CYP4F11: variants seen among roughly 807,000 people sequenced by gnomAD.
The protein encoded by CYP4F11 is cytochrome P450 family 4 subfamily F member 11, also known as cytochrome P450 4F11.
CYP4F11 carries 79 observed loss-of-function variants against 62.2 expected under a neutral mutation model. The ratio of observed to expected loss-of-function variants is 1.27; its 90% CI spans 1.06 to 1.53. The LOEUF (loss-of-function observed/expected upper bound fraction) is 1.53. Ranked by LOEUF, CYP4F11 falls within the 40% of genes most tolerant of loss-of-function variation. The pLI, the probability that CYP4F11 is intolerant of heterozygous loss-of-function variation, is 0.00. For synonymous variants in CYP4F11, 290 were observed against 263.7 expected (o/e 1.10, Z -0.97); for missense variants, 777 against 680.5 (o/e 1.14, Z -1.58).
chr19:15,927,147 G>T (rs149836489), intron 4 of CYP4F11, 65 bp downstream of exon 4: 1 of 1,564,762 alleles, frequency 6.4e-7, no homozygotes, highest in Non-Finnish European at 8.7e-7. Context: ...AAATTCCAGA[G>T]CAGATATGCC....
chr19:15,923,238 C>CTCTCTCTCTCTCTCT (rs2089642090), intron 6 of CYP4F11, among the ~76,000 whole-genome samples: 1 of 110,458 alleles, frequency 9.1e-6, no homozygotes, highest in African/African-American at 3.6e-5. Flanking sequence ...AAGCAAACAT[C>CTCTCTCTCTCTCTCT]CTCTCTCTCT....
At chr19:15,920,614 A>T (rs1198363005) in intron 8 of CYP4F11, among the ~76,000 whole-genome samples, 1 of 152,156 alleles carries the variant, frequency 6.6e-6, no homozygotes, top group Non-Finnish European at 1.5e-5. Flanking sequence ...TGTCCAGCTC[A>T]ATGTCTCCTC....
In CYP4F11 at chr19:15,922,141, G is replaced by T; in HGVS notation, c.1011C>A (p.Leu337=). The T allele has an allele frequency of 6.2e-7, 1 of 1,613,384 alleles. No individual in the cohort carries two copies. The highest frequency in any genetic ancestry group is 1.1e-5 in the South Asian group (1 of 91,002). ...FEGHDTTASG[L]SWVLYHLAKH... is the part of the protein sequence containing the mutation. The stretch of plus-strand genomic sequence containing the variant: ...TTGCAAGGTGGTATAGGACCCAGGA[G>T]AGACCACTGGCTGTAGTGTCATGGC... Residue 337 remains leucine, a synonymous_variant, in exon 8 of 12, where the codon CTC becomes CTA. Coordinates refer to ENST00000402119, the MANE Select transcript of CYP4F11 (RefSeq NM_021187.4).
In CYP4F11 at chr19:15,931,540, GC is replaced by G. The variant is rs2089717367; in HGVS notation, c.199-1940del. ...GATGGCACATCAGAGGAATGAGTGA[GC>G]GGGGAGAGGAATGAGTGAGCGAGGA... On this transcript the variant is annotated intron_variant, in intron 1 of 11. Coordinates refer to ENST00000402119, the MANE Select transcript of CYP4F11 (RefSeq NM_021187.4). 6.5e-5 allele frequency among the ~76,000 whole-genome samples: 7 copies of G among 107,600 alleles called. 3 individuals carry two copies. In the South Asian group the frequency reaches 1.4e-3, roughly 22 times the overall value. The allele number at this position is 107,600 out of a possible 152,430, so 70.6% of individuals were successfully genotyped here. A position where few individuals can be genotyped will look rare whatever the true frequency, so the allele number is the denominator to read the frequency against.
chr19:15,923,774 C>T (rs1182812600), intron 6 of CYP4F11, 38 bp downstream of exon 6: 1 of 1,587,474 alleles, frequency 6.3e-7, no homozygotes, highest in South Asian at 1.1e-5. Flanking sequence ...CATAAATCTC[C>T]ACTCTATTAC....
At chr19:15,929,029 T>A (rs2089690481) in intron 2 of CYP4F11, among the ~76,000 whole-genome samples, 3 of 152,122 alleles carry the variant, frequency 2.0e-5, no homozygotes, top group African/African-American at 7.2e-5. Flanking sequence ...TTTAAAATCT[T>A]TTTACTCATT....
At position 15,927,488 on chromosome 19, in the gene CYP4F11, C is replaced by T. The variant is rs2089679502; in HGVS notation, c.344-5G>A. On this transcript the variant is annotated splice_polypyrimidine_tract_variant and splice_region_variant and intron_variant, in intron 2 of 11. Coordinates refer to ENST00000402119, the MANE Select transcript of CYP4F11 (RefSeq NM_021187.4). ...TATCCTTGGGTGCGACAGCAGCTGA[C>T]ATGATTGAGGACCATCAGTGGCCAT... 6.2e-7 allele frequency: 1 copy of T among 1,613,046 alleles called. No homozygotes were observed. Among genetic ancestry groups the T allele is most frequent in the African/African-American group, 1.3e-5 (1 of 74,878 alleles).
Position 15,922,119 on chromosome 19 carries a change from CAAGGTGGTAT to C in CYP4F11, c.1023_1032del (p.Tyr342GlnfsTer18). ...TGTTCCTGGTATTCTGGGTGCTTTG[CAAGGTGGTAT>C]AGGACCCAGGAGAGACCACTGGCTG... On this transcript the variant is annotated frameshift_variant, in exon 8 of 12. Transcript: ENST00000402119. LOFTEE classifies it high-confidence loss of function. The C allele has an allele frequency of 6.2e-7, 1 of 1,614,030 alleles. No individual in the cohort carries two copies. The highest frequency in any genetic ancestry group is 8.5e-7 in the Non-Finnish European group (1 of 1,179,978).
rs991353301 is a variant in CYP4F11 at position 15,913,331 on chromosome 19, A to G, written c.*401T>C. The G allele has an allele frequency of 2.0e-5, 4 of 202,150 alleles. No homozygotes were observed. The highest frequency in any genetic ancestry group is 1.9e-3 in the Middle Eastern group (1 of 522). The allele number at this position is 202,150 out of a possible 1,614,324, so 12.5% of individuals were successfully genotyped here. ...CCTTTCCCTTTGTTCTGAGCTGAGG[A>G]CTCCAGTCTTGGGAGGACATTCCCA... is the stretch of plus-strand genomic sequence containing the variant. On this transcript the variant is annotated 3_prime_UTR_variant, in exon 12 of 12. Transcript: ENST00000402119.
intron 5 of CYP4F11, among the ~76,000 whole-genome samples, chr19:15,924,297 G>A (rs558436144): frequency 2.0e-5 from 3 of 152,118 alleles, no homozygotes; most frequent in Non-Finnish European, 2.9e-5. Context: ...CTTCTCTCCC[G>A]TCTCTCCCAC....
chr19:15,914,511 G>T, intron 10 of CYP4F11, 91 bp downstream of exon 10: 2 of 1,557,868 alleles, frequency 1.3e-6, no homozygotes, highest in Non-Finnish European at 1.8e-6. Flanking sequence ...TTGAGGAGAG[G>T]TGATGTTGGA....
chr19:15,930,709 G>A (rs1400041138), intron 1 of CYP4F11, among the ~76,000 whole-genome samples: 1 of 152,174 alleles, frequency 6.6e-6, no homozygotes, highest in East Asian at 1.9e-4. Context: ...ACCTGGGGAT[G>A]GCCACATGGA....
Position 15,934,458 on chromosome 19 carries a change from G to A in CYP4F11, c.-50C>T, listed in dbSNP as rs2089762060. 2 of 1,596,990 alleles carry A rather than the reference G, an allele frequency of 1.3e-6. No homozygotes were observed. The highest frequency in any genetic ancestry group is 2.2e-5 in the East Asian group (1 of 44,688). On this transcript the variant is annotated 5_prime_UTR_variant, in exon 1 of 12. Coordinates refer to ENST00000402119, the MANE Select transcript of CYP4F11 (RefSeq NM_021187.4). Reference sequence around the variant, plus strand: ...GTGGGATCCTGAGGCCCAGGGAAGGGCCCAGGAAGCTCCAAGGACAGTGGA... The same window carrying A: ...GTGGGATCCTGAGGCCCAGGGAAGGACCCAGGAAGCTCCAAGGACAGTGGA...
At position 15,919,529 on chromosome 19, in the gene CYP4F11, T is replaced by C. The variant is rs578211787; in HGVS notation, c.1115+2508A>G. ...ATAGATAGATAGATAGATAGACAGA[T>C]AGATAAGCAGACAGTTAGATGACAA... On this transcript the variant is annotated intron_variant, in intron 8 of 11. Transcript: ENST00000402119. Among the ~76,000 whole-genome samples the C allele has an allele frequency of 1.7e-4, 24 of 138,678 alleles. No homozygotes were observed. In the East Asian group the frequency reaches 1.8e-3, roughly 11 times the overall value. 91.0% of individuals were successfully genotyped at this position (138,678 alleles called of 152,430 possible).
At chr19:15,934,052 AT>A (rs2089754873) in intron 1 of CYP4F11, among the ~76,000 whole-genome samples, 158 bp downstream of exon 1, 2 of 98,836 alleles carry the variant, frequency 2.0e-5, no homozygotes, top group East Asian at 3.0e-4. Context: ...GGGGAGAGGA[AT>A]GAGTGAGTGG....
At position 15,927,302 on chromosome 19, in the gene CYP4F11, G is replaced by A. The variant is rs759344371; in HGVS notation, c.435C>T (p.Ser145=). The A allele has an allele frequency of 7.4e-6, 12 of 1,614,166 alleles. No homozygotes were observed. The South Asian group carries it at 1.2e-4, about 16-fold the overall frequency. ...CAGGCGTCAACATCCGACGGTGGCG[G>A]CTCCACTTGTCACCACCACTCAGCA... The part of the protein sequence containing the change: ...GLLLSGGDKW[S]RHRRMLTPAF... Residue 145 remains serine (S), a synonymous_variant, in exon 4 of 12, where the codon AGC becomes AGT. Coordinates refer to ENST00000402119, the MANE Select transcript of CYP4F11 (RefSeq NM_021187.4).
intron 1 of CYP4F11, among the ~76,000 whole-genome samples, chr19:15,931,343 G>A (rs115042255): frequency 6.6e-6 from 1 of 151,984 alleles, no homozygotes; most frequent in African/African-American, 2.4e-5. Flanking sequence ...AGTAGACTCA[G>A]GAGGCCTCAA....
In CYP4F11 at chr19:15,927,199, TC is replaced by T; in HGVS notation, c.525+12del. On this transcript the variant is annotated intron_variant, in intron 4 of 11. Coordinates refer to ENST00000402119, the MANE Select transcript of CYP4F11 (RefSeq NM_021187.4). ...CAAGGCTCCAGCTGGGACCCAGAGTTCAAGGGACTCACGTGCATGATGTTCA... is the reference window on the plus strand; with the variant it reads ...CAAGGCTCCAGCTGGGACCCAGAGTTAAGGGACTCACGTGCATGATGTTCA... 6.2e-7 allele frequency: 1 copy of T among 1,612,658 alleles called. No homozygotes were observed. The highest frequency in any genetic ancestry group is 1.1e-5 in the South Asian group (1 of 90,886).
chr19:15,925,729 TACACACAC>T lies in CYP4F11; in HGVS notation c.526-855_526-848del, dbSNP rs61395286. Among the ~76,000 whole-genome samples, 7 of 142,930 alleles carry T rather than the reference TACACACAC, an allele frequency of 4.9e-5. No homozygotes were observed. The South Asian group carries it at 6.9e-4, about 14-fold the overall frequency. The allele number at this position is 142,930 out of a possible 152,430, so 93.8% of individuals were successfully genotyped here. Reference sequence around the variant, plus strand: ...ACACACATATATATATACATATATGTACACACACACACACACACACACACACACACCCT... The same window carrying T: ...ACACACATATATATATACATATATGTACACACACACACACACACACACCCT... On this transcript the variant is annotated intron_variant, in intron 4 of 11. Transcript: ENST00000402119.
Sources: gnomAD v4.1 joint callset for allele counts (sites outside exome capture counted in the v4.1 genomes callset) on GRCh38, gnomAD v4.1.1 for gene constraint, MANE v1.5 for transcripts, NCBI Gene and HGNC (gene_info 2026-07-23, HGNC 2026-07-21) for gene names.